Variants in RPGRIP1 observed in about 807,000 individuals in gnomAD.
RPGRIP1 encodes the protein RPGR interacting protein 1.
A neutral mutation model predicts 157.9 loss-of-function variants in RPGRIP1; 128 were observed. That is an observed-to-expected ratio of 0.81 (90% CI 0.70 to 0.94). The LOEUF (loss-of-function observed/expected upper bound fraction) is 0.94, where lower values mean the gene tolerates loss of function less well. RPGRIP1 is among the 40% of genes least tolerant of loss of function. The probability of loss-of-function intolerance (pLI) is 0.00; values close to 1 mark genes in which losing one functional copy is unlikely to be tolerated. For missense variants in RPGRIP1, 1,486 were observed against 1,545.8 expected, an observed-to-expected ratio of 0.96 and a Z score of 0.65; for synonymous variants, 554 against 571.6, an observed-to-expected ratio of 0.97 and a Z score of 0.44.
chr14:21,342,954 C>A, intron 21 of RPGRIP1, 82 bp from the exon 22 acceptor site: 1 of 943,814 alleles, frequency 1.1e-6, no homozygotes, highest in Non-Finnish European at 1.6e-6. Flanking sequence ...CTAGAGAGTA[C>A]CGTAATGGGT....
intron 8 of RPGRIP1, 158 bp from the exon 9 acceptor site, chr14:21,311,666 G>C: frequency 2.1e-6 from 1 of 487,112 alleles, no homozygotes; most frequent in Non-Finnish European, 3.5e-6. Context: ...AAATGCTAGG[G>C]TGAAAAACAA....
chr14:21,307,935 C>G, intron 7 of RPGRIP1, 99 bp downstream of exon 7: 1 of 678,194 alleles, frequency 1.5e-6, no homozygotes, highest in South Asian at 1.9e-5. Context: ...AGCCACAATT[C>G]AGAAAGACAA....
intron 22 of RPGRIP1, 47 bp downstream of exon 22, chr14:21,343,275 T>G (rs745411018): frequency 7.0e-7 from 1 of 1,424,552 alleles, no homozygotes; most frequent in Non-Finnish European, 9.7e-7. Flanking sequence ...CTGATGAACA[T>G]TGAGACTGAG....
At chr14:21,288,478 G>T (rs1161794363) in intron 2 of RPGRIP1, among the ~76,000 whole-genome samples, 3 of 150,236 alleles carry the variant, frequency 2.0e-5, no homozygotes, top group African/African-American at 7.3e-5. Context: ...ACTGTGCCTG[G>T]CCCTCTTCTC....
At chr14:21,308,486 A>G (rs1881409764) in intron 7 of RPGRIP1, among the ~76,000 whole-genome samples, 2 of 152,200 alleles carry the variant, frequency 1.3e-5, no homozygotes, top group South Asian at 4.1e-4. Flanking sequence ...GAAAACAAGT[A>G]AACAAATTCA....
At chr14:21,296,204 C>A (rs1386661770) in intron 3 of RPGRIP1, among the ~76,000 whole-genome samples, 2 of 151,484 alleles carry the variant, frequency 1.3e-5, no homozygotes, top group Admixed American at 1.3e-4. Flanking sequence ...CGGATTCAAG[C>A]GATTCTCCTG....
At position 21,325,078 on chromosome 14, in the gene RPGRIP1, C is replaced by T. The variant is rs1163623603; in HGVS notation, c.2215+8C>T. 7 of 1,595,058 alleles carry T rather than the reference C, an allele frequency of 4.4e-6. No individual in the cohort carries two copies. In the Admixed American group the frequency reaches 6.9e-5, roughly 16 times the overall value. On this transcript the variant is annotated splice_region_variant and intron_variant, in intron 15 of 24. Coordinates refer to ENST00000400017, the MANE Select transcript of RPGRIP1 (RefSeq NM_020366.4). ...GCTTGGCCACACTGATTGGTAAGTGCCGTTGGCTTCCTGCGGCTCCTAAGC... is the reference window on the plus strand; with the variant it reads ...GCTTGGCCACACTGATTGGTAAGTGTCGTTGGCTTCCTGCGGCTCCTAAGC...
Position 21,327,722 on chromosome 14 carries a change from A to C in RPGRIP1, c.2810A>C (p.Lys937Thr), listed in dbSNP as rs1883260643. 2.5e-6 allele frequency: 4 copies of C among 1,613,790 alleles called. No individual in the cohort carries two copies. Among genetic ancestry groups the C allele is most frequent in the Non-Finnish European group, 2.5e-6 (3 of 1,179,702 alleles). Residue 937 changes from lysine (K) to threonine (T), a missense_variant, in exon 18 of 25, where the codon AAA (lysine) becomes ACA (threonine). Physicochemically the swap from Lys to Thr is moderately conservative, Grantham distance 78. Transcript: ENST00000400017. ...TACATACCCCCTGAGAGCTTCCTGAAACCAGAAGCTCAGACTAAGGGGAAG... is the reference window on the plus strand; with the variant it reads ...TACATACCCCCTGAGAGCTTCCTGACACCAGAAGCTCAGACTAAGGGGAAG... The part of the protein sequence containing the change: ...FPYIPPESFL[K>T]PEAQTKGKDT...
chr14:21,315,993 T>TTTGG (rs1881782678), intron 10 of RPGRIP1, among the ~76,000 whole-genome samples: 1 of 130,716 alleles, frequency 7.7e-6, no homozygotes, highest in African/African-American at 2.7e-5. Flanking sequence ...TTTTTTTTTT[T>TTTGG]GAGACAAAGT....
intron 24 of RPGRIP1, among the ~76,000 whole-genome samples, 159 bp downstream of exon 24, chr14:21,348,461 TTA>T (rs1238857902): frequency 1.3e-5 from 2 of 152,214 alleles, no homozygotes; most frequent in Non-Finnish European, 2.9e-5. Context: ...GGATCCAACA[TTA>T]AAGTAGTCAG....
At chr14:21,322,866 A>G (rs992463360) in intron 14 of RPGRIP1, among the ~76,000 whole-genome samples, 5 of 152,142 alleles carry the variant, frequency 3.3e-5, no homozygotes, top group African/African-American at 1.2e-4. Flanking sequence ...TGCCTCCTAT[A>G]CTTAGTGTAG....
intron 2 of RPGRIP1, among the ~76,000 whole-genome samples, chr14:21,290,014 AC>A (rs1480505407): frequency 5.9e-5 from 9 of 151,908 alleles, no homozygotes; most frequent in African/African-American, 1.9e-4. Context: ...CTGCCACCAC[AC>A]CTGGCTAATT....
At chr14:21,341,039 T>C (rs2139325074) in intron 21 of RPGRIP1, among the ~76,000 whole-genome samples, 1 of 150,366 alleles carries the variant, frequency 6.7e-6, no homozygotes, top group South Asian at 2.1e-4. Context: ...CAAATATCGT[T>C]TTTTTGTTTG....
Position 21,317,504 on chromosome 14 carries a change from A to C in RPGRIP1, c.1152-192A>C, listed in dbSNP as rs948437114. ...TGAGACCTAAACAGAAATGGTACTG[A>C]GCAATAACTCAGTAGGACTCAAAAG... On this transcript the variant is annotated intron_variant, in intron 10 of 24. Transcript: ENST00000400017. 12 of 1,401,496 alleles carry C rather than the reference A, an allele frequency of 8.6e-6. No homozygotes were observed. In the African/African-American group the frequency reaches 1.7e-4, roughly 20 times the overall value. The allele number at this position is 1,401,496 out of a possible 1,614,324, so 86.8% of individuals were successfully genotyped here.
In RPGRIP1 at chr14:21,343,866, G is replaced by GTTTTTTT. The variant is rs67535379; in HGVS notation, c.3532+673_3532+679dup. On this transcript the variant is annotated intron_variant, in intron 22 of 24. Coordinates refer to ENST00000400017, the MANE Select transcript of RPGRIP1 (RefSeq NM_020366.4). ...TGATTTTTGTTCTTCCTCTTTTCCT[G>GTTTTTTT]TTTTTTTTTTTTTTTTTTTTTTTTT... is the stretch of plus-strand genomic sequence containing the variant. 5.4e-4 allele frequency among the ~76,000 whole-genome samples: 27 copies of GTTTTTTT among 50,426 alleles called. 4 individuals carry two copies. Among genetic ancestry groups the GTTTTTTT allele is most frequent in the Non-Finnish European group, 6.8e-4 (19 of 27,764 alleles). 33.1% of individuals were successfully genotyped at this position (50,426 alleles called of 152,430 possible). A position where few individuals can be genotyped will look rare whatever the true frequency, so the allele number is the denominator to read the frequency against.
At chr14:21,317,298 A>G (rs1881872786) in intron 10 of RPGRIP1, among the ~76,000 whole-genome samples, 1 of 152,286 alleles carries the variant, frequency 6.6e-6, no homozygotes, top group African/African-American at 2.4e-5. Context: ...CTCTAAACTC[A>G]CCGTTGGTGA....
intron 14 of RPGRIP1, among the ~76,000 whole-genome samples, chr14:21,322,453 C>T (rs915946451): frequency 1.4e-4 from 22 of 152,160 alleles, no homozygotes; most frequent in African/African-American, 4.8e-4. Context: ...GCCACTGCGC[C>T]CGGCCCATCT....
rs1555302176 is a variant in RPGRIP1, at chr14:21,325,989, TAAC to T, written c.2530_2532del (p.Asn844del). 6.2e-7 allele frequency: 1 copy of T among 1,613,904 alleles called. No homozygotes were observed. Among genetic ancestry groups the T allele is most frequent in the African/African-American group, 1.3e-5 (1 of 74,924 alleles). ...ATGACACTGCCATCATTCCAGCCAG[TAAC>T]AACCCCTACTTTAGAGACCAGGCTC... On this transcript the variant is annotated inframe_deletion, in exon 17 of 25. Coordinates refer to ENST00000400017, the MANE Select transcript of RPGRIP1 (RefSeq NM_020366.4).
chr14:21,315,642 G>A (rs1277837834), intron 10 of RPGRIP1, among the ~76,000 whole-genome samples: 2 of 152,046 alleles, frequency 1.3e-5, no homozygotes, highest in Non-Finnish European at 2.9e-5. Context: ...GCAGTGTGGG[G>A]AGTATCCACT....
Sources: allele counts gnomAD v4.1 joint callset (sites outside exome capture counted in the v4.1 genomes callset), GRCh38; gene constraint gnomAD v4.1.1; transcripts MANE v1.5; gene names NCBI Gene and HGNC (gene_info 2026-07-23, HGNC 2026-07-21).